The following FOXP1 variants were observed in gnomAD, a reference collection of about 807,000 sequenced individuals.
FOXP1 encodes forkhead box protein P1.
FOXP1 carries 15 observed loss-of-function variants against 98.2 expected under a neutral mutation model. The ratio of observed to expected loss-of-function variants is 0.15; its 90% CI spans 0.10 to 0.24. The LOEUF (loss-of-function observed/expected upper bound fraction) is 0.24, where lower values mean the gene tolerates loss of function less well. Among genes scored for constraint, FOXP1 ranks in the 10% least tolerant of loss-of-function variants. The pLI is 1.00. For missense variants in FOXP1, 633 were observed against 848.5 expected (o/e 0.75, Z 3.15); for synonymous variants, 371 against 314.5 (o/e 1.18, Z -1.90).
intron 2 of FOXP1, among the ~76,000 whole-genome samples, chr3:71,546,517 A>G (rs2045374680): frequency 6.6e-6 from 1 of 152,168 alleles, no homozygotes; most frequent in Non-Finnish European, 1.5e-5. Context: ...CATGTCATTC[A>G]TATACACACA....
chr3:71,295,747 G>A (rs1181037137), intron 5 of FOXP1, among the ~76,000 whole-genome samples: 1 of 152,150 alleles, frequency 6.6e-6, no homozygotes, highest in Non-Finnish European at 1.5e-5. Context: ...AAATGCATGT[G>A]GGTAAATTGT....
chr3:71,359,565 C>G (rs910571379), intron 3 of FOXP1, among the ~76,000 whole-genome samples: 2 of 152,032 alleles, frequency 1.3e-5, no homozygotes, highest in African/African-American at 4.8e-5. Context: ...TTTCTTTTTT[C>G]TGAGACAGGG....
chr3:71,352,620 T>C (rs565961564), intron 4 of FOXP1, among the ~76,000 whole-genome samples: 3 of 152,280 alleles, frequency 2.0e-5, no homozygotes, highest in African/African-American at 7.2e-5. Flanking sequence ...AATGAATTTT[T>C]AGAATGATGA....
At chr3:71,148,216 A>C (rs1008718311) in intron 6 of FOXP1, among the ~76,000 whole-genome samples, 1 of 152,142 alleles carries the variant, frequency 6.6e-6, no homozygotes, top group Admixed American at 6.5e-5. Flanking sequence ...GTCTCTATTA[A>C]AAGTACAAAA....
Position 71,130,646 on chromosome 3 carries a change from G to C in FOXP1, c.181-18009C>G, listed in dbSNP as rs770834629. 5 of 1,597,378 alleles carry C rather than the reference G, an allele frequency of 3.1e-6. No individual in the cohort carries two copies. The Admixed American group carries it at 5.0e-5, about 16-fold the overall frequency. ...TTTGAATAAACAGGAAGTACTGTGCGGCTGAAGCACACTCGAAGAGAAAAC... is the reference window on the plus strand; with the variant it reads ...TTTGAATAAACAGGAAGTACTGTGCCGCTGAAGCACACTCGAAGAGAAAAC... On this transcript the variant is annotated intron_variant, in intron 6 of 20. Transcript: ENST00000649528.
intron 2 of FOXP1, among the ~76,000 whole-genome samples, chr3:71,579,494 G>A (rs767973967): frequency 3.9e-5 from 6 of 152,124 alleles, no homozygotes; most frequent in Non-Finnish European, 7.3e-5. Flanking sequence ...AAGTAGCAAC[G>A]TGGTCATGTT....
chr3:71,238,676 T>C (rs910041841), intron 5 of FOXP1, among the ~76,000 whole-genome samples: 4 of 152,226 alleles, frequency 2.6e-5, no homozygotes, highest in African/African-American at 9.7e-5. Flanking sequence ...ACAACAGTTC[T>C]AGACCACAGC....
intron 7 of FOXP1, among the ~76,000 whole-genome samples, chr3:71,103,834 G>A (rs778808777): frequency 2.0e-5 from 3 of 152,090 alleles, no homozygotes; most frequent in Non-Finnish European, 4.4e-5. Context: ...TGCTTTTATC[G>A]CACACTGTGA....
At chr3:71,226,521 T>G (rs2065848730) in intron 5 of FOXP1, among the ~76,000 whole-genome samples, 1 of 151,852 alleles carries the variant, frequency 6.6e-6, no homozygotes. Context: ...CAGGGTCTAC[T>G]CTGGGGGTCC....
rs537806486 is a variant in FOXP1, at chr3:71,280,260, A to C, written c.-12+19560T>G. 3.9e-5 allele frequency among the ~76,000 whole-genome samples: 6 copies of C among 152,272 alleles called. No homozygotes were observed. The South Asian group carries it at 6.2e-4, about 16-fold the overall frequency. On this transcript the variant is annotated intron_variant, in intron 5 of 20. Coordinates refer to ENST00000649528, the MANE Select transcript of FOXP1 (RefSeq NM_001349338.3). ...AGTATGTTCTAATTCAATATATTTA[A>C]AACATTATCATCATTTTAACCTATA... is the stretch of plus-strand genomic sequence containing the variant.
At chr3:71,046,727 C>T (rs1333184974) in intron 10 of FOXP1, among the ~76,000 whole-genome samples, 1 of 152,206 alleles carries the variant, frequency 6.6e-6, no homozygotes, top group African/African-American at 2.4e-5. Flanking sequence ...TGCTCTGTTA[C>T]AGCTAAGCCT....
chr3:71,299,368 A>C (rs1270532548), intron 5 of FOXP1, among the ~76,000 whole-genome samples: 1 of 152,164 alleles, frequency 6.6e-6, no homozygotes, highest in Non-Finnish European at 1.5e-5. Context: ...ATGGTGCCTG[A>C]CTGTTAATTT....
chr3:71,207,254 T>C (rs1237505406), intron 5 of FOXP1, among the ~76,000 whole-genome samples: 4 of 151,802 alleles, frequency 2.6e-5, no homozygotes, highest in Admixed American at 6.6e-5. Flanking sequence ...AGTCTTTTTT[T>C]TTTTTCATTT....
chr3:71,447,609 G>A lies in FOXP1; in HGVS notation c.-168+45817C>T, dbSNP rs537362424. 4.6e-5 allele frequency among the ~76,000 whole-genome samples: 7 copies of A among 152,304 alleles called. No individual in the cohort carries two copies. In the East Asian group the frequency reaches 5.8e-4, roughly 13 times the overall value. On this transcript the variant is annotated intron_variant, in intron 3 of 20. Coordinates refer to ENST00000649528, the MANE Select transcript of FOXP1 (RefSeq NM_001349338.3). Reference sequence around the variant, plus strand: ...AACTGAGAGGACCCACTAAGGGAGCGTGTGGATGAGGTTCACGCTAGCAGC... The same window carrying A: ...AACTGAGAGGACCCACTAAGGGAGCATGTGGATGAGGTTCACGCTAGCAGC...
intron 3 of FOXP1, among the ~76,000 whole-genome samples, chr3:71,467,606 C>T (rs1392334977): frequency 6.6e-6 from 1 of 152,144 alleles, no homozygotes; most frequent in Non-Finnish European, 1.5e-5. Flanking sequence ...TTGGGGGTAG[C>T]CTGTGGCTAA....
chr3:71,039,574 T>A (rs1485056929), intron 11 of FOXP1, among the ~76,000 whole-genome samples: 1 of 152,064 alleles, frequency 6.6e-6, no homozygotes, highest in Admixed American at 6.6e-5. Context: ...TTGCCACAAA[T>A]ACCTTAAGTG....
chr3:71,328,975 A>T (rs1481295770), intron 4 of FOXP1, among the ~76,000 whole-genome samples: 3 of 24,918 alleles, frequency 1.2e-4, no homozygotes, highest in Non-Finnish European at 6.1e-4. Context: ...CCATCTCGCT[A>T]AAAAAAAAAA....
At chr3:71,516,525 A>G (rs112956453) in intron 2 of FOXP1, among the ~76,000 whole-genome samples, 1 of 152,170 alleles carries the variant, frequency 6.6e-6, no homozygotes, top group African/African-American at 2.4e-5. Flanking sequence ...TTTCTAGAAA[A>G]TGAAATATAC....
chr3:71,133,229 T>A (rs981888182), intron 6 of FOXP1, among the ~76,000 whole-genome samples: 2 of 152,248 alleles, frequency 1.3e-5, no homozygotes, highest in African/African-American at 2.4e-5. Context: ...AAGTCTTTTT[T>A]AAAAAATCTG....
Sources: allele counts gnomAD v4.1 joint callset (sites outside exome capture counted in the v4.1 genomes callset), GRCh38; gene constraint gnomAD v4.1.1; transcripts MANE v1.5; gene names NCBI Gene and HGNC (gene_info 2026-07-23, HGNC 2026-07-21).